Variants in ALK observed in about 807,000 individuals in gnomAD.
ALK encodes the protein ALK tyrosine kinase receptor.
In ALK, 74 loss-of-function variants were observed where a neutral mutation model predicts 163.1. The observed-to-expected ratio is 0.45, with a 90% confidence interval of 0.38 to 0.55. ALK has a LOEUF of 0.55. ALK is among the 20% of genes least tolerant of loss of function. The pLI, the probability that ALK is intolerant of heterozygous loss-of-function variation, is 0.00. For missense variants in ALK, 2,063 were observed against 2,105.3 expected (o/e 0.98, Z 0.39); for synonymous variants, 960 against 843.2 (o/e 1.14, Z -2.40).
At chr2:29,797,006 ACACAC>A (rs1558492315) in intron 1 of ALK, among the ~76,000 whole-genome samples, 1 of 151,422 alleles carries the variant, frequency 6.6e-6, no homozygotes, top group African/African-American at 2.4e-5. Flanking sequence ...ACACCCACAC[ACACAC>A]ACACACACAC....
chr2:29,859,154 G>C (rs1336847150), intron 1 of ALK, among the ~76,000 whole-genome samples: 2 of 152,220 alleles, frequency 1.3e-5, no homozygotes, highest in South Asian at 4.1e-4. Flanking sequence ...TAAAATACGA[G>C]GGGCTGGGGC....
intron 7 of ALK, among the ~76,000 whole-genome samples, 190 bp downstream of exon 7, chr2:29,320,561 A>G (rs1196084575): frequency 6.6e-6 from 1 of 152,222 alleles, no homozygotes; most frequent in Non-Finnish European, 1.5e-5. Context: ...GGTGACATCT[A>G]TCTTGGCCAG....
chr2:29,218,944 G>C (rs188301411), intron 23 of ALK, among the ~76,000 whole-genome samples: 27 of 152,348 alleles, frequency 1.8e-4, no homozygotes, highest in Non-Finnish European at 2.9e-5. Flanking sequence ...ACCTCATCTT[G>C]ATAGTTTACA....
chr2:29,394,478 C>A (rs1669255337), intron 4 of ALK, among the ~76,000 whole-genome samples: 1 of 152,146 alleles, frequency 6.6e-6, no homozygotes, highest in African/African-American at 2.4e-5. Context: ...TGCTGAGCAT[C>A]CCTCACCAGG....
At chr2:29,742,651 G>T (rs1680093964) in intron 1 of ALK, among the ~76,000 whole-genome samples, 1 of 152,120 alleles carries the variant, frequency 6.6e-6, no homozygotes, top group East Asian at 1.9e-4. Flanking sequence ...CATAGCTCAG[G>T]GCCAGGGAAC....
chr2:29,385,681 G>A (rs535744553), intron 4 of ALK, among the ~76,000 whole-genome samples: 84 of 152,258 alleles, frequency 5.5e-4, no homozygotes, highest in African/African-American at 1.9e-3. Context: ...GTGAGCCACT[G>A]CATCAAGCCC....
intron 3 of ALK, among the ~76,000 whole-genome samples, chr2:29,558,468 C>T (rs1673924887): frequency 6.6e-6 from 1 of 152,088 alleles, no homozygotes; most frequent in South Asian, 2.1e-4. Flanking sequence ...CTGTGGCCCA[C>T]CTCCCAACCC....
chr2:29,383,477 A>G (rs1183293434), intron 5 of ALK, among the ~76,000 whole-genome samples: 2 of 152,038 alleles, frequency 1.3e-5, no homozygotes, highest in Non-Finnish European at 2.9e-5. Flanking sequence ...TCACCACACC[A>G]GGCTAATTTT....
At chr2:29,514,862 G>A (rs1440704662) in intron 4 of ALK, among the ~76,000 whole-genome samples, 1 of 152,102 alleles carries the variant, frequency 6.6e-6, no homozygotes, top group African/African-American at 2.4e-5. Flanking sequence ...TCCTTGTGGT[G>A]CTGCAAAGGT....
intron 3 of ALK, among the ~76,000 whole-genome samples, chr2:29,585,204 A>G (rs762862408): frequency 3.9e-5 from 6 of 152,256 alleles, no homozygotes; most frequent in African/African-American, 1.2e-4. Context: ...ATATAAATGT[A>G]TAATTAAAAA....
intron 1 of ALK, among the ~76,000 whole-genome samples, chr2:29,843,654 A>C (rs1376627855): frequency 6.6e-6 from 1 of 152,184 alleles, no homozygotes; most frequent in Non-Finnish European, 1.5e-5. Flanking sequence ...GCAAAGACCA[A>C]AGTGGTCATT....
intron 1 of ALK, among the ~76,000 whole-genome samples, chr2:29,908,001 T>C (rs1329534244): frequency 6.6e-6 from 1 of 152,198 alleles, no homozygotes; most frequent in Non-Finnish European, 1.5e-5. Flanking sequence ...GGCCCAGCTC[T>C]GACTCTTTCA....
intron 2 of ALK, among the ~76,000 whole-genome samples, chr2:29,702,809 C>G (rs1678784784): frequency 6.6e-6 from 1 of 152,242 alleles, no homozygotes; most frequent in Non-Finnish European, 1.5e-5. Flanking sequence ...CTGAGATTTA[C>G]TATCATGAGA....
intron 3 of ALK, among the ~76,000 whole-genome samples, chr2:29,623,103 C>T (rs1173033133): frequency 6.6e-6 from 1 of 152,182 alleles, no homozygotes; most frequent in Non-Finnish European, 1.5e-5. Context: ...CACACATCTA[C>T]TTTGTGGTGG....
At chr2:29,883,561 G>A (rs939455977) in intron 1 of ALK, among the ~76,000 whole-genome samples, 1 of 152,130 alleles carries the variant, frequency 6.6e-6, no homozygotes, top group Admixed American at 6.6e-5. Flanking sequence ...AGGCTCACAG[G>A]GGCCCTCAGT....
At chr2:29,222,924 G>A (rs535653843) in intron 20 of ALK, among the ~76,000 whole-genome samples, 1 of 152,124 alleles carries the variant, frequency 6.6e-6, no homozygotes, top group Non-Finnish European at 1.5e-5. Context: ...GCTTTTCCCC[G>A]GGGGAGGTTC....
intron 4 of ALK, among the ~76,000 whole-genome samples, chr2:29,444,158 T>C (rs1456418561): frequency 1.3e-5 from 2 of 152,178 alleles, no homozygotes; most frequent in African/African-American, 2.4e-5. Context: ...GGGAGGCTTT[T>C]GGGGGTAGGA....
At chr2:29,554,611 T>C (rs6722765) in intron 3 of ALK, among the ~76,000 whole-genome samples, 68,917 of 152,036 alleles carry the variant, frequency 0.45, 15,967 homozygotes, top group East Asian at 0.62. Context: ...TTGGGCCTAT[T>C]GTTTCTTTTT....
intron 5 of ALK, among the ~76,000 whole-genome samples, chr2:29,340,180 C>CAAATATG (rs1667748933): frequency 6.6e-6 from 1 of 152,162 alleles, no homozygotes; most frequent in Non-Finnish European, 1.5e-5. Context: ...TGCACCATAC[C>CAAATATG]TCCCCGTAAA....
Sources: gnomAD v4.1 joint callset for allele counts (sites outside exome capture counted in the v4.1 genomes callset) on GRCh38, gnomAD v4.1.1 for gene constraint, MANE v1.5 for transcripts, NCBI Gene and HGNC (gene_info 2026-07-23, HGNC 2026-07-21) for gene names.